The following UBE4B variants were observed in gnomAD, a reference collection of about 807,000 sequenced individuals.
The protein encoded by UBE4B is ubiquitination factor E4B, also known as ubiquitin conjugation factor E4 B.
In UBE4B, 27 loss-of-function variants were observed where a neutral mutation model predicts 148.1. The observed-to-expected ratio is 0.18, with a 90% CI of 0.13 to 0.25. UBE4B has a LOEUF of 0.25. Among genes scored for constraint, UBE4B ranks in the 10% least tolerant of loss-of-function variants. The probability of loss-of-function intolerance (pLI) is 1.00; values close to 1 mark genes in which losing one functional copy is unlikely to be tolerated. For synonymous variants in UBE4B, 596 were observed against 619.3 expected (o/e 0.96, Z 0.56); for missense variants, 1,170 against 1,662.4 (o/e 0.70, Z 5.15).
At chr1:10,089,252 A>G (rs1644810702) in intron 2 of UBE4B, among the ~76,000 whole-genome samples, 1 of 152,068 alleles carries the variant, frequency 6.6e-6, no homozygotes, top group African/African-American at 2.4e-5. Context: ...TAATCTGCCC[A>G]CCTTAGCCTC....
rs550610964 is a variant in UBE4B, at chr1:10,058,296, A to C, written c.25-13732A>C. 6.6e-5 allele frequency among the ~76,000 whole-genome samples: 10 copies of C among 152,318 alleles called. No individual in the cohort carries two copies. The South Asian group carries it at 1.9e-3, about 28-fold the overall frequency. ...TAAGTAACCTGGAAAGTGAAGCAGA[A>C]AATGATTGGAAAAATGAGATTGCAG... On this transcript the variant is annotated intron_variant, in intron 1 of 27. Coordinates refer to ENST00000343090, the MANE Select transcript of UBE4B (RefSeq NM_001105562.3).
chr1:10,077,008 G>A (rs1357385104), intron 2 of UBE4B, among the ~76,000 whole-genome samples: 3 of 152,042 alleles, frequency 2.0e-5, no homozygotes, highest in African/African-American at 7.2e-5. Context: ...GCCTCCCAAA[G>A]TGTTGGGATT....
intron 2 of UBE4B, among the ~76,000 whole-genome samples, chr1:10,087,775 A>G (rs533756050): frequency 2.6e-5 from 4 of 152,146 alleles, no homozygotes; most frequent in East Asian, 1.9e-4. Context: ...TTCCCTTTCC[A>G]TATTCAGTTC....
intron 7 of UBE4B, among the ~76,000 whole-genome samples, chr1:10,116,891 T>A (rs1645319531): frequency 6.6e-6 from 1 of 152,226 alleles, no homozygotes; most frequent in Non-Finnish European, 1.5e-5. Flanking sequence ...TTTACTATAC[T>A]ACTTTACCTT....
intron 1 of UBE4B, among the ~76,000 whole-genome samples, chr1:10,057,749 A>G (rs1644204206): frequency 6.6e-6 from 1 of 151,704 alleles, no homozygotes; most frequent in South Asian, 2.1e-4. Flanking sequence ...AAAAAAAAAG[A>G]AAGAAAAAAG....
intron 17 of UBE4B, among the ~76,000 whole-genome samples, chr1:10,138,363 C>T (rs1433548512): frequency 6.6e-6 from 1 of 152,044 alleles, no homozygotes; most frequent in African/African-American, 2.4e-5. Context: ...TCCCAAAGTG[C>T]TGGAATTACA....
rs542034395 is a variant in UBE4B, at chr1:10,070,461, C to A, written c.25-1567C>A. 3.2e-4 allele frequency among the ~76,000 whole-genome samples: 47 copies of A among 145,966 alleles called. 1 individual carries two copies. Among genetic ancestry groups the A allele is most frequent in the East Asian group, 2.8e-3 (14 of 5,014 alleles). ...TAAAATTAAAAAAAAAAAAAAAAAA[C>A]CATTACCAGATCCCTAGAATCTCAC... On this transcript the variant is annotated intron_variant, in intron 1 of 27. Coordinates refer to ENST00000343090, the MANE Select transcript of UBE4B (RefSeq NM_001105562.3).
At chr1:10,054,653 C>T (rs1464221323) in intron 1 of UBE4B, 2 of 260,054 alleles carry the variant, frequency 7.7e-6, no homozygotes, top group African/African-American at 2.3e-5. Context: ...TGCCATTGTT[C>T]ATTTACTACA....
rs371129617 is a variant in UBE4B, at chr1:10,171,307, C to T, written c.3503C>T (p.Ala1168Val). The T allele has an allele frequency of 3.1e-6, 5 of 1,613,596 alleles. No individual in the cohort carries two copies. The highest frequency in any genetic ancestry group is 4.2e-6 in the Non-Finnish European group (5 of 1,179,766). ...IYLQLDCARFAKAIADDQRSY... is the reference protein window; with the variant it reads ...IYLQLDCARFVKAIADDQRSY... ...TTACAGCTGGACTGTGCTCGGTTCG[C>T]GAAAGCCATTGCTGACGACCAGGTC... The change falls in exon 25 of 28, where the codon GCG becomes GTG. Residue 1168 changes from alanine to valine, a missense_variant. Coordinates refer to ENST00000343090, the MANE Select transcript of UBE4B (RefSeq NM_001105562.3).
intron 15 of UBE4B, among the ~76,000 whole-genome samples, chr1:10,134,618 A>C (rs751530849): frequency 1.3e-5 from 2 of 152,226 alleles, no homozygotes; most frequent in African/African-American, 2.4e-5. Flanking sequence ...TATAGAATTA[A>C]TGGAATGACA....
At chr1:10,081,538 CCT>C (rs974745999) in intron 2 of UBE4B, among the ~76,000 whole-genome samples, 1 of 151,932 alleles carries the variant, frequency 6.6e-6, no homozygotes, top group Non-Finnish European at 1.5e-5. Context: ...GATCCTTTTA[CCT>C]CAGCCTCCCA....
intron 16 of UBE4B, among the ~76,000 whole-genome samples, chr1:10,136,123 G>A (rs1257013405): frequency 2.0e-5 from 3 of 152,094 alleles, no homozygotes; most frequent in Non-Finnish European, 4.4e-5. Context: ...AAATATTTCT[G>A]TATTGTGTTG....
At chr1:10,141,599 G>C (rs1645783320) in intron 17 of UBE4B, among the ~76,000 whole-genome samples, 1 of 152,114 alleles carries the variant, frequency 6.6e-6, no homozygotes, top group Non-Finnish European at 1.5e-5. Context: ...AGCAAATCTT[G>C]CCATTTTTTT....
chr1:10,050,718 A>G (rs993652265), intron 1 of UBE4B, among the ~76,000 whole-genome samples: 2 of 144,868 alleles, frequency 1.4e-5, no homozygotes, highest in African/African-American at 5.1e-5. Flanking sequence ...CAGGACTCCT[A>G]TTCTTTTTTT....
At chr1:10,152,339 C>T (rs1226658402) in intron 21 of UBE4B, among the ~76,000 whole-genome samples, 1 of 151,448 alleles carries the variant, frequency 6.6e-6, no homozygotes, top group Non-Finnish European at 1.5e-5. Context: ...TTGAAAATAC[C>T]TGGTACAAAC....
intron 12 of UBE4B, among the ~76,000 whole-genome samples, chr1:10,129,886 C>T (rs373349574): frequency 1.4e-3 from 219 of 152,248 alleles, no homozygotes; most frequent in African/African-American, 4.9e-3. Flanking sequence ...CTACTGACCT[C>T]AGGTGATCCA....
chr1:10,119,761 T>C lies in UBE4B; in HGVS notation c.1439+148T>C, dbSNP rs1462632867. ...AGGTCCCTTTCCTTCGCTAAAATAC[T>C]ATGAAAATAAACACTCCTTTCTTCC... On this transcript the variant is annotated intron_variant, in intron 9 of 27. Coordinates refer to ENST00000343090, the MANE Select transcript of UBE4B (RefSeq NM_001105562.3). The C allele has an allele frequency of 1.0e-5, 6 of 593,146 alleles. No individual in the cohort carries two copies. In the East Asian group the frequency reaches 1.5e-4, roughly 15 times the overall value. 36.7% of individuals were successfully genotyped at this position (593,146 alleles called of 1,614,324 possible).
At chr1:10,146,748 C>T (rs1316141907) in intron 18 of UBE4B, among the ~76,000 whole-genome samples, 1 of 152,072 alleles carries the variant, frequency 6.6e-6, no homozygotes, top group East Asian at 1.9e-4. Flanking sequence ...GTGTGCTAGA[C>T]CTGGTGGTAC....
At chr1:10,049,563 C>G (rs568480453) in intron 1 of UBE4B, among the ~76,000 whole-genome samples, 1 of 150,392 alleles carries the variant, frequency 6.6e-6, no homozygotes, top group Non-Finnish European at 1.5e-5. Flanking sequence ...TGGGCAATAT[C>G]ATAAGACCTT....
Sources: allele counts gnomAD v4.1 joint callset (sites outside exome capture counted in the v4.1 genomes callset), GRCh38; gene constraint gnomAD v4.1.1; transcripts MANE v1.5; gene names NCBI Gene and HGNC (gene_info 2026-07-23, HGNC 2026-07-21).